EPHA6: variants seen among roughly 807,000 people sequenced by gnomAD.
EPHA6 encodes the protein EPH receptor A6, also known as ephrin type-A receptor 6.
Under a neutral mutation model 112.0 loss-of-function variants are expected in EPHA6, and 50 were observed. The ratio of observed to expected loss-of-function variants is 0.45; its 90% CI spans 0.36 to 0.56. The LOEUF is 0.56. EPHA6 is among the 20% of genes least tolerant of loss of function. The pLI is 0.00. For synonymous variants in EPHA6, 529 were observed against 490.7 expected, an observed-to-expected ratio of 1.08 and a Z score of -1.03; for missense variants, 1,280 against 1,417.4, an observed-to-expected ratio of 0.90 and a Z score of 1.56.
Position 97,748,728 on chromosome 3 carries a change from G to A in EPHA6, c.*27G>A. 1 of 1,234,338 alleles carries A rather than the reference G, an allele frequency of 8.1e-7. No homozygotes were observed. The highest frequency in any genetic ancestry group is 1.2e-6 in the Non-Finnish European group (1 of 837,572). The allele number at this position is 1,234,338 out of a possible 1,614,324, so 76.5% of individuals were successfully genotyped here. A position where few individuals can be genotyped will look rare whatever the true frequency, so the allele number is the denominator to read the frequency against. On this transcript the variant is annotated 3_prime_UTR_variant, in exon 18 of 18. Transcript: ENST00000389672. ...AGTACCACAAGCACCTGTGTTTTGT[G>A]CCTCAGCATTTCTAAAATGAACGAT...
intron 5 of EPHA6, among the ~76,000 whole-genome samples, chr3:97,266,166 A>G (rs2079675388): frequency 6.6e-6 from 1 of 152,216 alleles, no homozygotes; most frequent in Non-Finnish European, 1.5e-5. Flanking sequence ...TAAGGCTTTT[A>G]GACTTCATAA....
intron 6 of EPHA6, among the ~76,000 whole-genome samples, chr3:97,433,809 A>G (rs1053549692): frequency 1.3e-5 from 2 of 152,076 alleles, no homozygotes; most frequent in African/African-American, 4.8e-5. Context: ...TGCAGTACCA[A>G]ACATATCCGT....
chr3:97,303,713 G>A (rs2081192421), intron 5 of EPHA6, among the ~76,000 whole-genome samples: 1 of 151,990 alleles, frequency 6.6e-6, no homozygotes, highest in African/African-American at 2.4e-5. Context: ...AGTGAAAGAT[G>A]AGTTATTTTA....
In EPHA6 at chr3:96,942,389, TCC is replaced by T. The variant is rs558066773; in HGVS notation, c.451-44940_451-44939del. On this transcript the variant is annotated intron_variant, in intron 2 of 17. Coordinates refer to ENST00000389672, the MANE Select transcript of EPHA6 (RefSeq NM_001080448.3). ...CTGCTGTGCTAGCAATCAGCGTGAC[TCC>T]GTGGGCCTAGGACCCTCCGAGCTAG... Among the ~76,000 whole-genome samples, 70 of 152,270 alleles carry T rather than the reference TCC, an allele frequency of 4.6e-4. No individual in the cohort carries two copies. The South Asian group carries it at 0.014, about 30-fold the overall frequency.
intron 14 of EPHA6, among the ~76,000 whole-genome samples, chr3:97,708,759 G>A (rs1459159649): frequency 6.6e-6 from 1 of 152,220 alleles, no homozygotes; most frequent in Non-Finnish European, 1.5e-5. Flanking sequence ...ACAGCCTGAG[G>A]ACTTGGTGCC....
At chr3:96,991,045 A>G (rs2043197847) in intron 3 of EPHA6, among the ~76,000 whole-genome samples, 1 of 151,842 alleles carries the variant, frequency 6.6e-6, no homozygotes, top group Non-Finnish European at 1.5e-5. Context: ...GCTGGAGTGC[A>G]CTGGTGCGAC....
At chr3:97,330,434 T>C (rs2082726585) in intron 5 of EPHA6, among the ~76,000 whole-genome samples, 1 of 152,186 alleles carries the variant, frequency 6.6e-6, no homozygotes, top group Non-Finnish European at 1.5e-5. Context: ...ATGATATTGA[T>C]TCTTCCCACC....
At chr3:96,946,772 C>T (rs2041286376) in intron 2 of EPHA6, among the ~76,000 whole-genome samples, 1 of 152,184 alleles carries the variant, frequency 6.6e-6, no homozygotes, top group South Asian at 2.1e-4. Context: ...AATGGTTGAA[C>T]TAGTTTACAG....
Position 97,039,215 on chromosome 3 carries a change from A to G in EPHA6, c.1114+51222A>G, listed in dbSNP as rs144187544. On this transcript the variant is annotated intron_variant, in intron 3 of 17. Transcript: ENST00000389672. The stretch of plus-strand genomic sequence containing the variant: ...CAACATATAAGTTGGCAAACTGTAA[A>G]CATTTAGGAAGAAGGAGACTAGAAA... Among the ~76,000 whole-genome samples, 184 of 152,202 alleles carry G rather than the reference A, an allele frequency of 1.2e-3. 1 individual carries two copies. The highest frequency in any genetic ancestry group is 4.2e-3 in the African/African-American group (175 of 41,556).
At chr3:97,435,617 C>T (rs1577399514) in intron 6 of EPHA6, among the ~76,000 whole-genome samples, 1 of 152,166 alleles carries the variant, frequency 6.6e-6, no homozygotes, top group Non-Finnish European at 1.5e-5. Context: ...ATTACTCGCT[C>T]CCAGACCCCT....
intron 2 of EPHA6, among the ~76,000 whole-genome samples, chr3:96,914,060 A>T (rs777154112): frequency 5.3e-5 from 8 of 152,280 alleles, no homozygotes; most frequent in Non-Finnish European, 1.0e-4. Context: ...CAACTTAAAA[A>T]TATTTTTCAT....
intron 3 of EPHA6, among the ~76,000 whole-genome samples, chr3:97,206,211 T>C (rs2077709038): frequency 6.6e-6 from 1 of 152,076 alleles, no homozygotes; most frequent in African/African-American, 2.4e-5. Flanking sequence ...TACTGATAAA[T>C]ATTTCTTGTC....
At chr3:96,931,018 A>AAAAAAAAAAAAAAAAGAAAG (rs796531853) in intron 2 of EPHA6, among the ~76,000 whole-genome samples, 1 of 84,562 alleles carries the variant, frequency 1.2e-5, no homozygotes, top group African/African-American at 4.2e-5. Flanking sequence ...AAAAAAAAAA[A>AAAAAAAAAAAAAAAAGAAAG]AAAGAAAAGC....
Position 97,031,082 on chromosome 3 carries a change from C to T in EPHA6, c.1114+43089C>T, listed in dbSNP as rs118084478. Among the ~76,000 whole-genome samples the T allele has an allele frequency of 4.1e-4, 62 of 151,710 alleles. No homozygotes were observed. In the East Asian group the frequency reaches 7.6e-3, roughly 19 times the overall value. On this transcript the variant is annotated intron_variant, in intron 3 of 17. Transcript: ENST00000389672. ...GAATTTTTTAGAAGTGTACCAGTAC[C>T]GGTACCAAAACAGAGATATAGGCCA... is the stretch of plus-strand genomic sequence containing the variant.
chr3:97,614,504 T>TATTTA (rs1215810554), intron 13 of EPHA6, among the ~76,000 whole-genome samples: 1 of 115,726 alleles, frequency 8.6e-6, no homozygotes, highest in African/African-American at 4.3e-5. Flanking sequence ...CCAGCTAATT[T>TATTTA]TTTTTTTTTT....
intron 7 of EPHA6, among the ~76,000 whole-genome samples, chr3:97,469,258 T>A (rs2091153190): frequency 6.6e-6 from 1 of 151,720 alleles, no homozygotes; most frequent in South Asian, 2.1e-4. Context: ...TTTCCACCTC[T>A]TCCATCAGTC....
At chr3:97,671,807 T>A (rs892503939) in intron 14 of EPHA6, among the ~76,000 whole-genome samples, 2 of 151,944 alleles carry the variant, frequency 1.3e-5, no homozygotes, top group Admixed American at 6.6e-5. Context: ...AAAGATGAAA[T>A]TCCAGTATAG....
At chr3:96,894,160 A>G (rs2038134424) in intron 2 of EPHA6, among the ~76,000 whole-genome samples, 1 of 152,168 alleles carries the variant, frequency 6.6e-6, no homozygotes. Context: ...TGGCACAGAA[A>G]ACACCTCAGG....
chr3:96,850,434 T>C (rs2035315350), intron 1 of EPHA6, among the ~76,000 whole-genome samples: 1 of 152,122 alleles, frequency 6.6e-6, no homozygotes. Flanking sequence ...CTGTCTCAAA[T>C]GCTCAGATGG....
Sources: allele counts gnomAD v4.1 joint callset (sites outside exome capture counted in the v4.1 genomes callset), GRCh38; gene constraint gnomAD v4.1.1; transcripts MANE v1.5; gene names NCBI Gene and HGNC (gene_info 2026-07-23, HGNC 2026-07-21).